SCRT2: variants seen among roughly 807,000 people sequenced by gnomAD.
SCRT2 encodes transcriptional repressor scratch 2.
SCRT2 carries 2 observed loss-of-function variants against 3.7 expected under a neutral mutation model. That is an observed-to-expected ratio of 0.54 (90% CI 0.22 to 1.70). The LOEUF (loss-of-function observed/expected upper bound fraction) is 1.70, where lower values mean the gene tolerates loss of function less well. SCRT2 is among the 40% of genes most tolerant of loss of function. The probability of loss-of-function intolerance (pLI) is 0.19; values close to 1 mark genes in which losing one functional copy is unlikely to be tolerated. For missense variants in SCRT2, 456 were observed against 468.5 expected (o/e 0.97, Z 0.25); for synonymous variants, 256 against 220.6 (o/e 1.16, Z -1.42).
At chr20:674,904 A>T (rs1984476456) in intron 1 of SCRT2, among the ~76,000 whole-genome samples, 1 of 152,162 alleles carries the variant, frequency 6.6e-6, no homozygotes, top group African/African-American at 2.4e-5. Context: ...AGCCTTTGGC[A>T]GGCATGTGGC....
chr20:668,620 T>C (rs1055438938), intron 1 of SCRT2, among the ~76,000 whole-genome samples: 1 of 152,146 alleles, frequency 6.6e-6, no homozygotes, highest in African/African-American at 2.4e-5. Context: ...CCCTGTCATG[T>C]AGGGATATGG....
chr20:668,886 C>CTG (rs992058035), intron 1 of SCRT2, among the ~76,000 whole-genome samples: 5 of 152,230 alleles, frequency 3.3e-5, no homozygotes, highest in Admixed American at 3.3e-4. Flanking sequence ...ACTGCTACTG[C>CTG]TGGTGCTTCC....
intron 1 of SCRT2, among the ~76,000 whole-genome samples, chr20:674,725 GTGTGTGTA>G (rs200237454): frequency 0.23 from 18,994 of 81,838 alleles, 1,392 homozygotes; most frequent in Admixed American, 0.35. Context: ...GTGTGTGTGT[GTGTGTGTA>G]TGTGTAGTGA....
At chr20:668,869 TACTGCTAC>T (rs564827315) in intron 1 of SCRT2, among the ~76,000 whole-genome samples, 18 of 152,324 alleles carry the variant, frequency 1.2e-4, no homozygotes, top group African/African-American at 4.1e-4. Flanking sequence ...GTGTAACAAA[TACTGCTAC>T]TGCTACTGCT....
Position 667,061 on chromosome 20 carries a change from A to G in SCRT2, c.134-2600T>C, listed in dbSNP as rs1321169563. 1.3e-5 allele frequency among the ~76,000 whole-genome samples: 2 copies of G among 152,222 alleles called. No homozygotes were observed. The highest frequency in any genetic ancestry group is 2.9e-5 in the Non-Finnish European group (2 of 68,044). ...TTGTTTTGGCTCTACCATTCCCAGC[A>G]GTGTGACCTTGGCCAAACGATTTGG... On this transcript the variant is annotated intron_variant, in intron 1 of 1. Transcript: ENST00000246104. This position sits in a 1 kb window ranked among gnomAD's most constrained non-coding sequence, Gnocchi z 4.4.
At chr20:672,109 G>C (rs1270921536) in intron 1 of SCRT2, among the ~76,000 whole-genome samples, 1 of 152,164 alleles carries the variant, frequency 6.6e-6, no homozygotes, top group Non-Finnish European at 1.5e-5. Flanking sequence ...GACTGAGTCT[G>C]TGCTCAGAAT....
At chr20:671,295 G>GACTTGGACCTCAGATCTGT (rs1266504207) in intron 1 of SCRT2, among the ~76,000 whole-genome samples, 1 of 152,216 alleles carries the variant, frequency 6.6e-6, no homozygotes, top group East Asian at 1.9e-4. Flanking sequence ...GTAGGCATTG[G>GACTTGGACCTCAGATCTGT]ACTTGGACCT....
At position 675,522 on chromosome 20, in the gene SCRT2, G is replaced by A; in HGVS notation, c.80C>T (p.Pro27Leu). 7.2e-7 allele frequency: 1 copy of A among 1,395,068 alleles called. No individual in the cohort carries two copies. The highest frequency in any genetic ancestry group is 9.3e-7 in the Non-Finnish European group (1 of 1,069,578). 86.4% of individuals were successfully genotyped at this position (1,395,068 alleles called of 1,614,324 possible). A position where few individuals can be genotyped will look rare whatever the true frequency, so the allele number is the denominator to read the frequency against. The stretch of plus-strand genomic sequence containing the variant: ...AGGCAGCACGTAGGCTGTCTCCAAG[G>A]GGTGGTAGGTGGGGGCCGGCACCCC... The part of the protein sequence containing the change: ...CSGVPAPTYH[P>L]LETAYVLPGA... Residue 27 changes from proline to leucine, a missense_variant, in exon 1 of 2, where the codon CCC (proline) becomes CTC (leucine). By Grantham distance (98) the Pro-to-Leu change is moderately conservative. Transcript: ENST00000246104. The surrounding 1 kb of genome is among the most constrained non-coding windows in gnomAD (Gnocchi z 6.9).
chr20:663,422 A>C lies in SCRT2; in HGVS notation c.*249T>G. 5.4e-6 allele frequency: 2 copies of C among 370,746 alleles called. No homozygotes were observed. Among genetic ancestry groups the C allele is most frequent in the Non-Finnish European group, 4.7e-6 (1 of 211,840 alleles). 23.0% of individuals were successfully genotyped at this position (370,746 alleles called of 1,614,324 possible). ...AGTTGGGAGCCTTGAAGGCGCGGAC[A>C]GGGGGGTCAAGGTCCGAGGGATGGC... On this transcript the variant is annotated 3_prime_UTR_variant, in exon 2 of 2. Transcript: ENST00000246104. The surrounding 1 kb of genome is among the most constrained non-coding windows in gnomAD (Gnocchi z 6.9).
In SCRT2 at chr20:663,666, A is replaced by G. The variant is rs1185561572; in HGVS notation, c.*5T>C. On this transcript the variant is annotated 3_prime_UTR_variant, in exon 2 of 2. Coordinates refer to ENST00000246104, the MANE Select transcript of SCRT2 (RefSeq NM_033129.4). The surrounding 1 kb of genome is among the most constrained non-coding windows in gnomAD (Gnocchi z 6.9). ...AGTTCCGGGCGCGAGGGCGAGGCGG[A>G]AGGCTCAGCTGGCCGGGCCGGCGGG... 2.1e-6 allele frequency: 3 copies of G among 1,447,284 alleles called. No individual in the cohort carries two copies. Among genetic ancestry groups the G allele is most frequent in the Admixed American group, 2.6e-5 (1 of 38,558 alleles). The allele number at this position is 1,447,284 out of a possible 1,614,324, so 89.7% of individuals were successfully genotyped here.
chr20:668,802 C>G (rs572849971), intron 1 of SCRT2, among the ~76,000 whole-genome samples: 62 of 152,260 alleles, frequency 4.1e-4, no homozygotes, highest in African/African-American at 1.5e-3. Context: ...GGTGCTGGGC[C>G]CTCTGCAGAC....
chr20:671,093 G>A (rs1390241392), intron 1 of SCRT2, among the ~76,000 whole-genome samples: 1 of 152,216 alleles, frequency 6.6e-6, no homozygotes, highest in African/African-American at 2.4e-5. Context: ...AGCGGATCTG[G>A]ACAATGACCT....
rs758370991 is a variant in SCRT2 at position 664,116 on chromosome 20, C to T, written c.479G>A (p.Cys160Tyr). ...CGACGACGTGGCGTAGGTCTTGCCG[C>T]ACTCGGCGCACGCGTGCCGGTGCCC... ...GGGHRHACAE[C>Y]GKTYATSSNL... The change falls in exon 2 of 2, where the codon TGC becomes TAC. Residue 160 changes from cysteine (C) to tyrosine (Y), a missense_variant. Physicochemically the swap from Cys to Tyr is radical, Grantham distance 194 (BLOSUM62 -2). This residue lies in a region of SCRT2 where 306 missense variants were observed against 305.3 expected (regional missense o/e 1.00). Coordinates refer to ENST00000246104, the MANE Select transcript of SCRT2 (RefSeq NM_033129.4). The surrounding 1 kb of genome is among the most constrained non-coding windows in gnomAD (Gnocchi z 7.9). The T allele has an allele frequency of 6.3e-7, 1 of 1,594,006 alleles. No homozygotes were observed. Among genetic ancestry groups the T allele is most frequent in the East Asian group, 2.3e-5 (1 of 43,764 alleles).
intron 1 of SCRT2, among the ~76,000 whole-genome samples, chr20:673,892 T>C (rs1758834924): frequency 6.6e-6 from 1 of 152,130 alleles, no homozygotes. Context: ...AGCTTGCAGA[T>C]ATTTCAGTTT....
chr20:670,574 C>G (rs1984302067), intron 1 of SCRT2, among the ~76,000 whole-genome samples: 1 of 152,212 alleles, frequency 6.6e-6, no homozygotes, highest in South Asian at 2.1e-4. Context: ...GCTCTTGTGA[C>G]TTTGGGCAAG....
chr20:664,593 T>A lies in SCRT2; in HGVS notation c.134-132A>T. 1 of 557,522 alleles carries A rather than the reference T, an allele frequency of 1.8e-6. No individual in the cohort carries two copies. Among genetic ancestry groups the A allele is most frequent in the Non-Finnish European group, 2.7e-6 (1 of 370,962 alleles). 34.5% of individuals were successfully genotyped at this position (557,522 alleles called of 1,614,324 possible). ...GCTCCGACAGTGGTGGTCTCCGACC[T>A]GCACCTCAGCTCTTCCTGTCAGGCA... On this transcript the variant is annotated intron_variant, in intron 1 of 1. Coordinates refer to ENST00000246104, the MANE Select transcript of SCRT2 (RefSeq NM_033129.4). The surrounding 1 kb of genome is among the most constrained non-coding windows in gnomAD (Gnocchi z 7.9).
Position 663,786 on chromosome 20 carries a change from C to CAGCGGT in SCRT2, c.803_808dup (p.Tyr268_Arg269dup), listed in dbSNP as rs1984046706. Reference sequence around the variant, plus strand: ...CGCGAAGCTCTTGTCGCACTGGCGGCAGCGGTAGTGCTTGAAGGCCGAGTG... The same window carrying CAGCGGT: ...CGCGAAGCTCTTGTCGCACTGGCGGCAGCGGTAGCGGTAGTGCTTGAAGGCCGAGTG... On this transcript the variant is annotated inframe_insertion, in exon 2 of 2. Transcript: ENST00000246104. The surrounding 1 kb of genome is among the most constrained non-coding windows in gnomAD (Gnocchi z 6.9). The CAGCGGT allele has an allele frequency of 6.3e-7, 1 of 1,592,224 alleles. No homozygotes were observed. Among genetic ancestry groups the CAGCGGT allele is most frequent in the East Asian group, 2.3e-5 (1 of 44,120 alleles).
rs1203410492 is a variant in SCRT2 at position 664,227 on chromosome 20, C to T, written c.368G>A (p.Gly123Asp). The change falls in exon 2 of 2, where the codon GGC (glycine) becomes GAC (aspartate). Residue 123 changes from glycine (G) to aspartate (D), a missense_variant. Gly to Asp is a moderately conservative substitution (Grantham distance 94, BLOSUM62 -1). This residue lies in a region of SCRT2 where 306 missense variants were observed against 305.3 expected (regional missense o/e 1.00). Coordinates refer to ENST00000246104, the MANE Select transcript of SCRT2 (RefSeq NM_033129.4). This position sits in a 1 kb window ranked among gnomAD's most constrained non-coding sequence, Gnocchi z 7.9. ...GCCCCCCGCGTCCCCGCCGCCCCCG[C>T]CCCGCCGCCGCCGCGAGCGCCCGTC... is the stretch of plus-strand genomic sequence containing the variant. ...ISDGRSRRRR[G>D]GGGGDAGGSG... 1.5e-6 allele frequency: 2 copies of T among 1,296,666 alleles called. No homozygotes were observed. Among genetic ancestry groups the T allele is most frequent in the African/African-American group, 1.5e-5 (1 of 65,582 alleles). 80.3% of individuals were successfully genotyped at this position (1,296,666 alleles called of 1,614,324 possible).
chr20:672,416 T>C lies in SCRT2; in HGVS notation c.133+3053A>G, dbSNP rs397831773. On this transcript the variant is annotated intron_variant, in intron 1 of 1. Transcript: ENST00000246104. ...GTGTGTGTGTGTGTGTGTGTGTGTG[T>C]GTGTGTGCGCGCGTGCGTGTGTGTG... Among the ~76,000 whole-genome samples, 263 of 121,262 alleles carry C rather than the reference T, an allele frequency of 2.2e-3. 1 individual carries two copies. The highest frequency in any genetic ancestry group is 7.3e-3 in the African/African-American group (238 of 32,546). 79.6% of individuals were successfully genotyped at this position (121,262 alleles called of 152,430 possible). A position where few individuals can be genotyped will look rare whatever the true frequency, so the allele number is the denominator to read the frequency against.
Sources: gnomAD v4.1 joint callset for allele counts (sites outside exome capture counted in the v4.1 genomes callset) on GRCh38, gnomAD v4.1.1 for gene constraint, gnomAD v4.1.1 regional missense constraint, Gnocchi (gnomAD v3.1) non-coding constraint, MANE v1.5 for transcripts, NCBI Gene and HGNC (gene_info 2026-07-23, HGNC 2026-07-21) for gene names.